Variants in FRMD4A observed in about 807,000 individuals in gnomAD.
FRMD4A encodes the protein FERM domain-containing protein 4A.
In FRMD4A, 29 loss-of-function variants were observed where a neutral mutation model predicts 129.1. The ratio of observed to expected loss-of-function variants is 0.22; its 90% CI spans 0.17 to 0.31. The LOEUF is 0.31. Ranked by LOEUF, FRMD4A falls within the 10% of genes least tolerant of loss-of-function variation. FRMD4A has a pLI of 1.00. For missense variants in FRMD4A, 1,272 were observed against 1,375.8 expected, an observed-to-expected ratio of 0.92 and a Z score of 1.19; for synonymous variants, 634 against 571.6, an observed-to-expected ratio of 1.11 and a Z score of -1.56.
chr10:14,288,812 T>C (rs1845762784), intron 2 of FRMD4A, among the ~76,000 whole-genome samples: 2 of 152,144 alleles, frequency 1.3e-5, no homozygotes, highest in South Asian at 4.1e-4. Context: ...GCAACCACCT[T>C]CTACTCTCTG....
intron 2 of FRMD4A, among the ~76,000 whole-genome samples, chr10:14,209,648 G>A (rs1842881760): frequency 6.6e-6 from 1 of 151,444 alleles, no homozygotes; most frequent in Admixed American, 6.6e-5. Flanking sequence ...GTGAACCCAG[G>A]AGGCGGAGCT....
chr10:13,827,108 T>A (rs2093712777), intron 3 of FRMD4A, among the ~76,000 whole-genome samples: 1 of 152,152 alleles, frequency 6.6e-6, no homozygotes, highest in Non-Finnish European at 1.5e-5. Context: ...GGTGAGGCAT[T>A]TATGAGACAA....
At position 14,142,748 on chromosome 10, in the gene FRMD4A, A is replaced by G. The variant is rs571266103; in HGVS notation, c.45+187310T>C. Among the ~76,000 whole-genome samples, 6 of 152,378 alleles carry G rather than the reference A, an allele frequency of 3.9e-5. No individual in the cohort carries two copies. The South Asian group carries it at 1.2e-3, about 32-fold the overall frequency. ...TAGAATGAAAACGCAAGCTTTTTAG[A>G]ATATCTGAACTTGGATCTTCCCACT... is the stretch of plus-strand genomic sequence containing the variant. On this transcript the variant is annotated intron_variant, in intron 2 of 24. Transcript: ENST00000357447.
intron 2 of FRMD4A, among the ~76,000 whole-genome samples, chr10:14,164,881 A>AT (rs1321566943): frequency 2.0e-5 from 3 of 152,028 alleles, no homozygotes; most frequent in African/African-American, 7.2e-5. Flanking sequence ...ATGGACCTTC[A>AT]TTTTTTTCTC....
At chr10:14,310,635 G>T (rs1370825395) in intron 2 of FRMD4A, among the ~76,000 whole-genome samples, 3 of 152,188 alleles carry the variant, frequency 2.0e-5, no homozygotes, top group African/African-American at 7.2e-5. Context: ...GGTAGCAAAA[G>T]CATCTGCATA....
At chr10:14,276,509 A>T (rs1002860647) in intron 2 of FRMD4A, among the ~76,000 whole-genome samples, 1 of 152,222 alleles carries the variant, frequency 6.6e-6, no homozygotes, top group Non-Finnish European at 1.5e-5. Context: ...GGCCCCAGTC[A>T]TGTGGCCTTT....
rs976730019 is a variant in FRMD4A at position 14,131,399 on chromosome 10, C to CCCT, written c.45+198658_45+198659insAGG. ...GCTCCTTAGCCCAACTCACTGTGCC[C>CCCT]CCCCCGGCCGCCCTGTTGTCTCTAG... On this transcript the variant is annotated intron_variant, in intron 2 of 24. Transcript: ENST00000357447. 1.2e-4 allele frequency among the ~76,000 whole-genome samples: 18 copies of CCCT among 151,194 alleles called. No individual in the cohort carries two copies. The East Asian group carries it at 1.4e-3, about 12-fold the overall frequency.
intron 18 of FRMD4A, among the ~76,000 whole-genome samples, chr10:13,664,453 T>C (rs527929198): frequency 5.3e-5 from 8 of 152,100 alleles, no homozygotes; most frequent in South Asian, 2.1e-4. Context: ...TAGGGAAAGA[T>C]GGTCATTCCA....
chr10:13,740,800 C>T (rs1385940602), intron 9 of FRMD4A, among the ~76,000 whole-genome samples: 4 of 147,186 alleles, frequency 2.7e-5, no homozygotes, highest in Non-Finnish European at 4.5e-5. Flanking sequence ...CCACAAAGGA[C>T]TTGCATTCTC....
At position 13,657,156 on chromosome 10, in the gene FRMD4A, C is replaced by A. The variant is rs767329415; in HGVS notation, c.2433G>T (p.Gly811=). ...CACCGCCCCCCGCGCCCCCCGCGCC[C>A]CCCGCACCCCCGCGCGCCGCCAGGT... ...MPNLAARGGA[G]GAGGAGGGVY... is the part of the protein sequence containing the mutation. The change falls in exon 22 of 25, where the codon GGG becomes GGT. Residue 811 remains glycine (G), a synonymous_variant. Coordinates refer to ENST00000357447, the MANE Select transcript of FRMD4A (RefSeq NM_018027.5). The A allele has an allele frequency of 2.0e-6, 3 of 1,482,816 alleles. No individual in the cohort carries two copies. Among genetic ancestry groups the A allele is most frequent in the African/African-American group, 1.5e-5 (1 of 68,536 alleles). The allele number at this position is 1,482,816 out of a possible 1,614,324, so 91.9% of individuals were successfully genotyped here.
At chr10:14,196,279 A>C (rs1212969812) in intron 2 of FRMD4A, among the ~76,000 whole-genome samples, 1 of 152,178 alleles carries the variant, frequency 6.6e-6, no homozygotes, top group Non-Finnish European at 1.5e-5. Context: ...TATTCTGCTC[A>C]ACTCAACCTT....
chr10:14,073,311 G>C (rs1283380492), intron 2 of FRMD4A, among the ~76,000 whole-genome samples: 1 of 152,156 alleles, frequency 6.6e-6, no homozygotes, highest in Non-Finnish European at 1.5e-5. Flanking sequence ...GGGCTACAAG[G>C]TGACAGATGG....
At chr10:13,687,820 C>T (rs1002664942) in intron 15 of FRMD4A, among the ~76,000 whole-genome samples, 7 of 152,148 alleles carry the variant, frequency 4.6e-5, no homozygotes, top group Admixed American at 6.5e-5. Context: ...ATTCAGGACG[C>T]GGGTTCCACG....
intron 2 of FRMD4A, among the ~76,000 whole-genome samples, chr10:14,295,132 G>A (rs1488659514): frequency 6.6e-6 from 1 of 152,078 alleles, no homozygotes; most frequent in East Asian, 1.9e-4. Flanking sequence ...AGAAATGAGG[G>A]GGCCCAACAT....
intron 2 of FRMD4A, among the ~76,000 whole-genome samples, chr10:14,029,343 T>A (rs1833126851): frequency 6.6e-6 from 1 of 152,158 alleles, no homozygotes; most frequent in East Asian, 1.9e-4. Flanking sequence ...GGTGGGCAGA[T>A]CGTTCTTCTA....
chr10:14,249,968 T>C (rs1349461014), intron 2 of FRMD4A, among the ~76,000 whole-genome samples: 1 of 152,158 alleles, frequency 6.6e-6, no homozygotes, highest in African/African-American at 2.4e-5. Context: ...TTTTACTTTA[T>C]TTATTTATTT....
chr10:14,051,105 C>T lies in FRMD4A; in HGVS notation c.46-192193G>A, dbSNP rs1394692432. On this transcript the variant is annotated intron_variant, in intron 2 of 24. Transcript: ENST00000357447. ...GATTGCAAAGGCATTGTTGGACACC[C>T]GGCTGGTGTCAGAGAATTGTAGAAT... 2.0e-5 allele frequency among the ~76,000 whole-genome samples: 3 copies of T among 152,172 alleles called. No individual in the cohort carries two copies. The South Asian group carries it at 6.2e-4, about 32-fold the overall frequency.
chr10:14,014,113 C>G (rs2095690597), intron 2 of FRMD4A, among the ~76,000 whole-genome samples: 1 of 152,062 alleles, frequency 6.6e-6, no homozygotes, highest in Admixed American at 6.5e-5. Context: ...GGTGGAGACA[C>G]ACACCCATGG....
intron 2 of FRMD4A, among the ~76,000 whole-genome samples, chr10:14,282,971 A>G (rs1350864425): frequency 6.6e-6 from 1 of 152,228 alleles, no homozygotes; most frequent in Non-Finnish European, 1.5e-5. Flanking sequence ...AGGATTTGCC[A>G]TATTATTAAA....
Sources: gnomAD v4.1 joint callset for allele counts (sites outside exome capture counted in the v4.1 genomes callset) on GRCh38, gnomAD v4.1.1 for gene constraint, MANE v1.5 for transcripts, NCBI Gene and HGNC (gene_info 2026-07-23, HGNC 2026-07-21) for gene names.